RS1: variants seen among roughly 807,000 people sequenced by gnomAD.
RS1 encodes the protein retinoschisin 1.
RS1 carries 2 observed loss-of-function variants against 20.8 expected under a neutral mutation model. That is an observed-to-expected ratio of 0.10 (90% confidence interval 0.04 to 0.30). The LOEUF (loss-of-function observed/expected upper bound fraction) is 0.30, where lower values mean the gene tolerates loss of function less well. RS1 is among the 10% of genes least tolerant of loss of function. The pLI is 1.00. For missense variants in RS1, 151 were observed against 189.8 expected, an observed-to-expected ratio of 0.80 and a Z score of 1.20; for synonymous variants, 70 against 75.8, an observed-to-expected ratio of 0.92 and a Z score of 0.40.
Position 18,641,910 on chromosome X carries a change from T to C in RS1, c.*94A>G. 1 of 1,005,794 alleles carries C rather than the reference T, an allele frequency of 9.9e-7. No individual in the cohort carries two copies. The highest frequency in any genetic ancestry group is 1.9e-5 in the South Asian group (1 of 52,493). 82.9% of individuals were successfully genotyped at this position (1,005,794 alleles called of 1,213,427 possible). ...CTGCAGTTACAATTGCTTTGCGAAATATAGCCCTGTCCATCTCGGTGGTGT... is the reference window on the plus strand; with the variant it reads ...CTGCAGTTACAATTGCTTTGCGAAACATAGCCCTGTCCATCTCGGTGGTGT... On this transcript the variant is annotated 3_prime_UTR_variant, in exon 6 of 6. Transcript: ENST00000379984.
chrX:18,642,782 G>A (rs1201597590), intron 5 of RS1, among the ~76,000 whole-genome samples: 8 of 112,211 alleles, frequency 7.1e-5, no homozygotes, highest in Non-Finnish European at 1.5e-4. Context: ...GCTCACGCCT[G>A]TAATCCCAGC....
At chrX:18,647,738 C>T (rs1927844952) in intron 3 of RS1, 1 of 175,656 alleles carries the variant, frequency 5.7e-6, no homozygotes, top group Non-Finnish European at 1.1e-5. Flanking sequence ...TTTAGCCATC[C>T]TGCCTCATGA....
At chrX:18,648,118 C>T (rs1927865709) in intron 3 of RS1, among the ~76,000 whole-genome samples, 1 of 111,276 alleles carries the variant, frequency 9.0e-6, no homozygotes, top group African/African-American at 3.3e-5. Flanking sequence ...AGGAGAATCG[C>T]TTGAACCCGG....
At position 18,647,296 on chromosome X, in the gene RS1, C is replaced by A. The variant is rs104894933; in HGVS notation, c.221G>T (p.Gly74Val). 1.7e-6 allele frequency: 2 copies of A among 1,208,964 alleles called. No homozygotes were observed. Residue 74 changes from glycine to valine, a missense_variant, in exon 4 of 6, where the codon GGG becomes GTG. Physicochemically the swap from Gly to Val is moderately radical, Grantham distance 109. Transcript: ENST00000379984. ...GGTGATCTGGTCCGGTGTGACCTCC[C>A]CTGACTCGAAACCCAGAGGCTTGTG... Reference protein sequence around the residue: ...PYHKPLGFESGEVTPDQITCS... With the variant: ...PYHKPLGFESVEVTPDQITCS...
intron 5 of RS1, among the ~76,000 whole-genome samples, chrX:18,643,642 C>T (rs1927663388): frequency 9.0e-6 from 1 of 111,726 alleles, no homozygotes; most frequent in Non-Finnish European, 1.9e-5. Context: ...TTGGAACAAC[C>T]CATGAACGTC....
rs758944304 is a variant in RS1, at chrX:18,647,357, T to A, written c.185-25A>T. Reference sequence around the variant, plus strand: ...TCTGGGAAAGGAAAAAGAATTCACATTCACACATATCTCAATACTCAACAA... The same window carrying A: ...TCTGGGAAAGGAAAAAGAATTCACAATCACACATATCTCAATACTCAACAA... On this transcript the variant is annotated intron_variant, in intron 3 of 5. Transcript: ENST00000379984. The A allele has an allele frequency of 5.0e-6, 6 of 1,202,178 alleles. No individual in the cohort carries two copies. In the African/African-American group the frequency reaches 8.8e-5, roughly 18 times the overall value.
intron 1 of RS1, among the ~76,000 whole-genome samples, chrX:18,657,953 T>C (rs1199488048): frequency 9.0e-6 from 1 of 111,345 alleles, no homozygotes; most frequent in Non-Finnish European, 1.9e-5. Flanking sequence ...GGCCTAACAC[T>C]TAGGCCAGGA....
chrX:18,655,784 A>G (rs1928201384), intron 3 of RS1, among the ~76,000 whole-genome samples: 1 of 110,101 alleles, frequency 9.1e-6, no homozygotes, highest in Non-Finnish European at 1.9e-5. Context: ...AGGGAAGCAC[A>G]TGGCTGTTTG....
intron 1 of RS1, among the ~76,000 whole-genome samples, chrX:18,658,596 C>G (rs928905472): frequency 9.9e-6 from 1 of 100,961 alleles, no homozygotes; most frequent in Admixed American, 1.1e-4. Context: ...GCTGGGATTA[C>G]AGGTGCATAC....
At position 18,666,683 on chromosome X, in the gene RS1, G is replaced by A. The variant is rs1176980735; in HGVS notation, c.52+5334C>T. 2.7e-5 allele frequency among the ~76,000 whole-genome samples: 3 copies of A among 111,456 alleles called. No homozygotes were observed. The Admixed American group carries it at 2.9e-4, about 11-fold the overall frequency. On this transcript the variant is annotated intron_variant, in intron 1 of 5. Coordinates refer to ENST00000379984, the MANE Select transcript of RS1 (RefSeq NM_000330.4). ...GGTGAGTGCAGTCATCCGAGGGAGAGAAGATGCTGGCTTGGCCCAGGGTGG... is the reference window on the plus strand; with the variant it reads ...GGTGAGTGCAGTCATCCGAGGGAGAAAAGATGCTGGCTTGGCCCAGGGTGG...
rs772442155 is a variant in RS1, at chrX:18,646,642, G to A, written c.326+549C>T. On this transcript the variant is annotated intron_variant, in intron 4 of 5. Transcript: ENST00000379984. ...TAAGGTCCTGCACCATCTGACCTCC[G>A]CTTGCCTCTCCACCTTGTCTCACTT... 4.5e-5 allele frequency among the ~76,000 whole-genome samples: 5 copies of A among 111,462 alleles called. 1 individual carries two copies. The South Asian group carries it at 1.5e-3, about 34-fold the overall frequency.
intron 1 of RS1, among the ~76,000 whole-genome samples, chrX:18,664,352 G>A (rs1239315038): frequency 8.9e-6 from 1 of 112,572 alleles, no homozygotes; most frequent in African/African-American, 3.2e-5. Context: ...AAGGGGCCGG[G>A]CGCGGTGGCT....
At chrX:18,646,132 C>T (rs1338405284) in intron 4 of RS1, 2 of 1,208,613 alleles carry the variant, frequency 1.7e-6, no homozygotes, top group African/African-American at 3.5e-5. Context: ...GCCATAACGA[C>T]CCTAGACTAC....
At chrX:18,660,358 G>A (rs2147204703) in intron 1 of RS1, among the ~76,000 whole-genome samples, 1 of 108,673 alleles carries the variant, frequency 9.2e-6, no homozygotes, top group South Asian at 4.2e-4. Flanking sequence ...TGGGATTACA[G>A]CCACCATGCC....
At chrX:18,662,709 G>C (rs1487652734) in intron 1 of RS1, among the ~76,000 whole-genome samples, 2 of 105,289 alleles carry the variant, frequency 1.9e-5, no homozygotes, top group Non-Finnish European at 3.9e-5. Context: ...CTCACTGCAA[G>C]CTCCGCCTCC....
intron 3 of RS1, chrX:18,653,504 T>G: frequency 8.3e-7 from 1 of 1,211,933 alleles, no homozygotes. Flanking sequence ...CAAGCTGCGC[T>G]CCTGACATAC....
At chrX:18,669,612 C>T (rs956278965) in intron 1 of RS1, among the ~76,000 whole-genome samples, 44 of 111,088 alleles carry the variant, frequency 4.0e-4, no homozygotes, top group Non-Finnish European at 7.2e-4. Context: ...AATGAGGAGA[C>T]ACTGCCACTG....
intron 3 of RS1, chrX:18,650,157 C>T (rs919542347): frequency 2.8e-5 from 12 of 428,959 alleles, no homozygotes; most frequent in African/African-American, 1.7e-4. Flanking sequence ...CACTCCAGAG[C>T]GGTCTGTAGC....
At chrX:18,657,743 G>A in intron 1 of RS1, 78 bp from the exon 2 acceptor site, 3 of 846,733 alleles carry the variant, frequency 3.5e-6, no homozygotes, top group Non-Finnish European at 5.3e-6. Context: ...ACATGGAAAA[G>A]TGAAATAGAA....
Sources: allele counts gnomAD v4.1 joint callset (sites outside exome capture counted in the v4.1 genomes callset), GRCh38; gene constraint gnomAD v4.1.1; transcripts MANE v1.5; gene names NCBI Gene and HGNC (gene_info 2026-07-23, HGNC 2026-07-21).